ITGA8: variants seen among roughly 807,000 people sequenced by gnomAD.
ITGA8 encodes integrin subunit alpha 8, also known as integrin alpha-8.
A neutral mutation model predicts 142.3 loss-of-function variants in ITGA8; 91 were observed. That is an observed-to-expected ratio of 0.64 (90% CI 0.54 to 0.76). ITGA8 has a LOEUF of 0.76. ITGA8 is among the 30% of genes least tolerant of loss of function. ITGA8 has a pLI of 0.00. For missense variants in ITGA8, 1,406 were observed against 1,327.7 expected, an observed-to-expected ratio of 1.06 and a Z score of -0.92; for synonymous variants, 505 against 485.2, an observed-to-expected ratio of 1.04 and a Z score of -0.54.
At position 15,528,172 on chromosome 10, in the gene ITGA8, G is replaced by A. The variant is rs570173192; in HGVS notation, c.2982+2878C>T. ...GCTAATCTCAAACTCCTGAGCTGAA[G>A]CAATCTGCCTGCCTTGGCCTCCCAA... On this transcript the variant is annotated intron_variant, in intron 28 of 29. Transcript: ENST00000378076. Among the ~76,000 whole-genome samples the A allele has an allele frequency of 4.5e-4, 68 of 152,226 alleles. No individual in the cohort carries two copies. The South Asian group carries it at 0.013, about 28-fold the overall frequency.
At chr10:15,625,962 A>G (rs1833574423) in intron 13 of ITGA8, among the ~76,000 whole-genome samples, 1 of 152,204 alleles carries the variant, frequency 6.6e-6, no homozygotes, top group Admixed American at 6.5e-5. Flanking sequence ...CCAATAAGAA[A>G]AGGCTACCTG....
intron 20 of ITGA8, among the ~76,000 whole-genome samples, chr10:15,600,242 T>C (rs1833081113): frequency 6.6e-6 from 1 of 152,098 alleles, no homozygotes. Context: ...GTATATCTCC[T>C]AATGCTATTA....
At chr10:15,591,949 A>C (rs1415412699) in intron 22 of ITGA8, among the ~76,000 whole-genome samples, 1 of 152,218 alleles carries the variant, frequency 6.6e-6, no homozygotes, top group Non-Finnish European at 1.5e-5. Context: ...CTTTGGAATG[A>C]GGAAAAGTGG....
At chr10:15,643,624 C>T (rs1174532321) in intron 13 of ITGA8, among the ~76,000 whole-genome samples, 2 of 152,172 alleles carry the variant, frequency 1.3e-5, no homozygotes, top group Non-Finnish European at 2.9e-5. Context: ...AGCTTCATGA[C>T]AGACACGTTG....
intron 24 of ITGA8, 44 bp downstream of exon 24, chr10:15,575,445 T>C: frequency 1.5e-6 from 2 of 1,309,098 alleles, no homozygotes. Flanking sequence ...GCACAGAGCT[T>C]AAGAATAAAC....
intron 27 of ITGA8, among the ~76,000 whole-genome samples, chr10:15,533,751 C>T (rs569916931): frequency 5.3e-5 from 8 of 152,270 alleles, no homozygotes; most frequent in East Asian, 1.9e-4. Flanking sequence ...TTTATAAATG[C>T]GAAAGTTTCC....
chr10:15,670,949 C>A (rs1041953749), intron 8 of ITGA8, among the ~76,000 whole-genome samples: 1 of 152,116 alleles, frequency 6.6e-6, no homozygotes, highest in African/African-American at 2.4e-5. Context: ...GTCTGTCTGA[C>A]CCCCCACCGT....
At chr10:15,532,410 C>G (rs1448639954) in intron 27 of ITGA8, among the ~76,000 whole-genome samples, 7 of 62,738 alleles carry the variant, frequency 1.1e-4, no homozygotes, top group Admixed American at 1.0e-3. Flanking sequence ...CCGAGTGAGA[C>G]TCCCTCTCAA....
rs139493898 is a variant in ITGA8 at position 15,701,377 on chromosome 10, G to A, written c.344-13339C>T. 2.0e-5 allele frequency among the ~76,000 whole-genome samples: 3 copies of A among 152,292 alleles called. No individual in the cohort carries two copies. In the South Asian group the frequency reaches 6.2e-4, roughly 32 times the overall value. ...AAACCTAAAGATAAACTGAAAAGAT[G>A]TATAAGTCAACCCGGGAACTTTAGA... On this transcript the variant is annotated intron_variant, in intron 2 of 29. Coordinates refer to ENST00000378076, the MANE Select transcript of ITGA8 (RefSeq NM_003638.3).
intron 2 of ITGA8, among the ~76,000 whole-genome samples, chr10:15,689,561 G>T (rs775389323): frequency 7.9e-5 from 12 of 152,192 alleles, no homozygotes; most frequent in Non-Finnish European, 1.2e-4. Context: ...CAGCTGGGGA[G>T]CTACCTGCAT....
chr10:15,669,256 C>A (rs1181610701), intron 8 of ITGA8, among the ~76,000 whole-genome samples: 2 of 152,190 alleles, frequency 1.3e-5, no homozygotes, highest in African/African-American at 4.8e-5. Flanking sequence ...CTTCTTGCTT[C>A]ATTTCATTCA....
At chr10:15,625,797 A>T (rs1254149327) in intron 13 of ITGA8, among the ~76,000 whole-genome samples, 1 of 152,218 alleles carries the variant, frequency 6.6e-6, no homozygotes, top group African/African-American at 2.4e-5. Flanking sequence ...ATTTAGGCAG[A>T]TATGAGGGTA....
chr10:15,611,767 C>A (rs1833300384), intron 15 of ITGA8, among the ~76,000 whole-genome samples: 1 of 151,108 alleles, frequency 6.6e-6, no homozygotes, highest in African/African-American at 2.4e-5. Context: ...GCGTGAGCCA[C>A]CGCGCCCGGC....
At chr10:15,592,383 C>G (rs1832942288) in intron 21 of ITGA8, 79 bp from the exon 22 acceptor site, 7 of 1,046,322 alleles carry the variant, frequency 6.7e-6, no homozygotes, top group Non-Finnish European at 1.0e-5. Context: ...CTGCAAAACC[C>G]CACCCTGGAT....
At position 15,701,058 on chromosome 10, in the gene ITGA8, G is replaced by T. The variant is rs149277728; in HGVS notation, c.344-13020C>A. 4.5e-3 allele frequency among the ~76,000 whole-genome samples: 680 copies of T among 152,298 alleles called. 9 individuals carry two copies. Among genetic ancestry groups the T allele is most frequent in the African/African-American group, 0.015 (636 of 41,566 alleles). ...GCCAAAAACATAGTAGATCATCAGT[G>T]TTTGATGAATGAATAACCAAGTTCC... On this transcript the variant is annotated intron_variant, in intron 2 of 29. Coordinates refer to ENST00000378076, the MANE Select transcript of ITGA8 (RefSeq NM_003638.3).
At chr10:15,611,205 A>G (rs1833287455) in intron 15 of ITGA8, among the ~76,000 whole-genome samples, 1 of 152,210 alleles carries the variant, frequency 6.6e-6, no homozygotes, top group Non-Finnish European at 1.5e-5. Flanking sequence ...AAATAAAGAA[A>G]AAAGAGAATC....
chr10:15,694,304 GATA>G (rs1564412378), intron 2 of ITGA8, among the ~76,000 whole-genome samples: 2 of 88,624 alleles, frequency 2.3e-5, no homozygotes, highest in East Asian at 5.7e-4. Flanking sequence ...TCATATATAT[GATA>G]ATATATCATA....
chr10:15,646,907 C>A lies in ITGA8; in HGVS notation c.1146G>T (p.Thr382=). 6.2e-7 allele frequency: 1 copy of A among 1,614,084 alleles called. No homozygotes were observed. ...RDPQILTGTE[T]FGRFGSAMAH... The stretch of plus-strand genomic sequence containing the variant: ...CCATAGCACTACCGAATCTCCCAAA[C>A]GTCTCGGTGCCAGTGAGGATCTGGG... Residue 382 remains threonine (T), a synonymous_variant, in exon 12 of 30, where the codon ACG becomes ACT. Transcript: ENST00000378076.
chr10:15,521,584 G>T (rs980246799), intron 28 of ITGA8, among the ~76,000 whole-genome samples: 1 of 152,134 alleles, frequency 6.6e-6, no homozygotes, highest in African/African-American at 2.4e-5. Context: ...ATGAGAAAAA[G>T]GCTGGCCTCA....
Sources: gnomAD v4.1 joint callset for allele counts (sites outside exome capture counted in the v4.1 genomes callset) on GRCh38, gnomAD v4.1.1 for gene constraint, MANE v1.5 for transcripts, NCBI Gene and HGNC (gene_info 2026-07-23, HGNC 2026-07-21) for gene names.